Variants in LPP observed in about 807,000 individuals in gnomAD.
LPP encodes the protein lipoma-preferred partner.
In LPP, 38 loss-of-function variants were observed where a neutral mutation model predicts 60.4. The ratio of observed to expected loss-of-function variants is 0.63; its 90% CI spans 0.49 to 0.83. The LOEUF (loss-of-function observed/expected upper bound fraction) is 0.83, where lower values mean the gene tolerates loss of function less well. Among genes scored for constraint, LPP ranks in the 40% least tolerant of loss-of-function variants. LPP has a pLI of 0.00. For synonymous variants in LPP, 328 were observed against 290.8 expected (o/e 1.13, Z -1.30); for missense variants, 902 against 783.6 (o/e 1.15, Z -1.80).
At chr3:188,473,245 G>A (rs968680708) in intron 4 of LPP, among the ~76,000 whole-genome samples, 2 of 151,990 alleles carry the variant, frequency 1.3e-5, no homozygotes, top group African/African-American at 4.8e-5. Context: ...ACATAACCAC[G>A]GTAGAGTTAC....
chr3:188,440,821 T>C (rs1793591300), intron 4 of LPP, among the ~76,000 whole-genome samples: 1 of 152,140 alleles, frequency 6.6e-6, no homozygotes, highest in East Asian at 1.9e-4. Context: ...CTTTACCTCC[T>C]TCTCCCATCT....
chr3:188,220,782 A>G (rs764201179), intron 1 of LPP, among the ~76,000 whole-genome samples: 1 of 152,056 alleles, frequency 6.6e-6, no homozygotes, highest in South Asian at 2.1e-4. Flanking sequence ...TGGGTCTGTT[A>G]TGTTGGTGAG....
intron 2 of LPP, among the ~76,000 whole-genome samples, chr3:188,250,043 T>C (rs929919251): frequency 6.6e-6 from 1 of 152,134 alleles, no homozygotes; most frequent in Admixed American, 6.5e-5. Flanking sequence ...CTTCTGTACA[T>C]TTGACACTGA....
chr3:188,554,425 A>G (rs1560557077), intron 6 of LPP, among the ~76,000 whole-genome samples: 1 of 152,222 alleles, frequency 6.6e-6, no homozygotes, highest in Non-Finnish European at 1.5e-5. Flanking sequence ...GTTGTAGTTC[A>G]ATTTATACCA....
intron 8 of LPP, among the ~76,000 whole-genome samples, chr3:188,748,729 G>T (rs752464507): frequency 3.9e-5 from 6 of 152,184 alleles, no homozygotes; most frequent in Non-Finnish European, 7.3e-5. Context: ...GTTGCTGTGA[G>T]CCAAGATTGT....
chr3:188,647,483 C>T (rs1225657542), intron 7 of LPP, among the ~76,000 whole-genome samples: 1 of 152,132 alleles, frequency 6.6e-6, no homozygotes, highest in Non-Finnish European at 1.5e-5. Flanking sequence ...TTTGACTTAG[C>T]GTGTTTATAC....
At chr3:188,452,518 CTCT>C (rs1399479814) in intron 4 of LPP, among the ~76,000 whole-genome samples, 13 of 152,154 alleles carry the variant, frequency 8.5e-5, no homozygotes, top group Non-Finnish European at 1.6e-4. Context: ...TGATAGAGTC[CTCT>C]TCTTCTCATT....
chr3:188,752,986 C>T (rs1417997457), intron 8 of LPP, among the ~76,000 whole-genome samples: 9 of 152,118 alleles, frequency 5.9e-5, no homozygotes, highest in Admixed American at 2.0e-4. Flanking sequence ...CTGGACTGGC[C>T]CTTCCTCTTT....
At chr3:188,766,580 G>C (rs1327353939) in intron 9 of LPP, among the ~76,000 whole-genome samples, 3 of 152,108 alleles carry the variant, frequency 2.0e-5, no homozygotes, top group East Asian at 1.9e-4. Context: ...TAGTTCCATA[G>C]AGTATGAGTG....
chr3:188,720,755 C>A (rs1373194373), intron 8 of LPP, among the ~76,000 whole-genome samples: 4 of 152,160 alleles, frequency 2.6e-5, no homozygotes, highest in Admixed American at 2.6e-4. Context: ...TGATCTCAGT[C>A]CTCACTTGGT....
At chr3:188,275,071 A>G (rs1206921449) in intron 2 of LPP, among the ~76,000 whole-genome samples, 2 of 152,116 alleles carry the variant, frequency 1.3e-5, no homozygotes, top group East Asian at 1.9e-4. Context: ...AGTCACCTCT[A>G]TTTTAGTTCT....
chr3:188,205,376 G>C (rs1732898037), intron 1 of LPP, among the ~76,000 whole-genome samples: 1 of 147,324 alleles, frequency 6.8e-6, no homozygotes, highest in Non-Finnish European at 1.5e-5. Flanking sequence ...CGCCCCACCA[G>C]GTTCAAGCGA....
intron 6 of LPP, among the ~76,000 whole-genome samples, chr3:188,526,458 A>T (rs1267845317): frequency 1.3e-5 from 2 of 151,850 alleles, no homozygotes; most frequent in Admixed American, 6.6e-5. Flanking sequence ...CGCCCAGCTA[A>T]TTTTTGTATT....
intron 2 of LPP, among the ~76,000 whole-genome samples, chr3:188,274,462 G>T (rs763186270): frequency 1.7e-4 from 26 of 152,140 alleles, no homozygotes; most frequent in Non-Finnish European, 1.9e-4. Context: ...GTGCCAGGTA[G>T]CTCTGGCAAA....
chr3:188,487,566 G>T (rs1051727281), intron 5 of LPP, among the ~76,000 whole-genome samples: 1 of 152,234 alleles, frequency 6.6e-6, no homozygotes, highest in African/African-American at 2.4e-5. Context: ...ATCTGGTAGG[G>T]AGAGGCCTGT....
chr3:188,623,960 G>A (rs532688510), intron 7 of LPP, among the ~76,000 whole-genome samples: 2 of 152,260 alleles, frequency 1.3e-5, no homozygotes, highest in Admixed American at 6.5e-5. Context: ...GGCGAGGGGT[G>A]TATTTGGTGG....
intron 6 of LPP, among the ~76,000 whole-genome samples, chr3:188,596,020 G>A (rs572226605): frequency 3.3e-5 from 5 of 152,054 alleles, no homozygotes; most frequent in Non-Finnish European, 5.9e-5. Context: ...GTCACTACAG[G>A]ATTTATCTGG....
At chr3:188,743,669 T>G (rs1449955218) in intron 8 of LPP, 1 of 152,076 alleles carries the variant, frequency 6.6e-6, no homozygotes, top group Non-Finnish European at 1.5e-5. Context: ...AGAAAGATCC[T>G]TAAAAAGGCA....
intron 2 of LPP, among the ~76,000 whole-genome samples, chr3:188,311,471 T>TCTAAACTAAACTAAACTAAA (rs56278922): frequency 4.2e-4 from 59 of 142,062 alleles, no homozygotes; most frequent in Middle Eastern, 3.6e-3. Flanking sequence ...AGACCCTATC[T>TCTAAACTAAACTAAACTAAA]CTAAACTAAA....
Sources: gnomAD v4.1 joint callset for allele counts (sites outside exome capture counted in the v4.1 genomes callset) on GRCh38, gnomAD v4.1.1 for gene constraint, MANE v1.5 for transcripts, NCBI Gene and HGNC (gene_info 2026-07-23, HGNC 2026-07-21) for gene names.